The following GRM1 variants were observed in gnomAD, a reference collection of about 807,000 sequenced individuals.
GRM1 encodes metabotropic glutamate receptor 1.
In GRM1, 33 loss-of-function variants were observed where a neutral mutation model predicts 90.9. That is an observed-to-expected ratio of 0.36 (90% CI 0.28 to 0.49). The LOEUF (loss-of-function observed/expected upper bound fraction) is 0.49. GRM1 is among the 20% of genes least tolerant of loss of function. The pLI, the probability that GRM1 is intolerant of heterozygous loss-of-function variation, is 0.99. For missense variants in GRM1, 1,190 were observed against 1,534.3 expected (o/e 0.78, Z 3.75); for synonymous variants, 700 against 613.2 (o/e 1.14, Z -2.09).
chr6:146,159,213 C>A, intron 1 of GRM1, 135 bp from the exon 2 acceptor site: 2 of 976,252 alleles, frequency 2.0e-6, no homozygotes, highest in Non-Finnish European at 3.3e-6. Flanking sequence ...GATCTTCCGT[C>A]AGTCTCAGCC....
intron 3 of GRM1, among the ~76,000 whole-genome samples, chr6:146,305,985 C>A (rs1783565314): frequency 6.6e-6 from 1 of 152,032 alleles, no homozygotes; most frequent in Non-Finnish European, 1.5e-5. Flanking sequence ...TTTCTATTTT[C>A]AATAGTATTC....
Position 146,335,648 on chromosome 6 carries a change from A to C in GRM1, c.1187-16602A>C, listed in dbSNP as rs140631253. Among the ~76,000 whole-genome samples, 5 of 152,306 alleles carry C rather than the reference A, an allele frequency of 3.3e-5. No homozygotes were observed. The East Asian group carries it at 9.7e-4, about 29-fold the overall frequency. ...CATCATTTTTAATCTTTAAAGTTCAAGACACTTTCCCAGGGCCCCCAAAAT... is the reference window on the plus strand; with the variant it reads ...CATCATTTTTAATCTTTAAAGTTCACGACACTTTCCCAGGGCCCCCAAAAT... On this transcript the variant is annotated intron_variant, in intron 3 of 7. Transcript: ENST00000282753.
At chr6:146,202,770 A>G (rs532601082) in intron 2 of GRM1, among the ~76,000 whole-genome samples, 2 of 152,330 alleles carry the variant, frequency 1.3e-5, no homozygotes, top group South Asian at 2.1e-4. Flanking sequence ...ATTCAGTACC[A>G]TGGAGAAGTG....
chr6:146,304,624 G>A lies in GRM1; in HGVS notation c.964G>A (p.Asp322Asn). 6.2e-7 allele frequency: 1 copy of A among 1,612,470 alleles called. No individual in the cohort carries two copies. The highest frequency in any genetic ancestry group is 8.5e-7 in the Non-Finnish European group (1 of 1,178,646). The change falls in exon 3 of 8, where the codon GAC becomes AAC. Residue 322 changes from aspartate to asparagine, a missense_variant. By Grantham distance (23) the Asp-to-Asn change is conservative. This residue lies in a region of GRM1 where 414 missense variants were observed against 598.4 expected (regional missense o/e 0.69). Transcript: ENST00000282753. ...TGCATTTTTTAGTGATGGATGGGCAGACAGAGATGAAGTCATTGAAGGTTA... is the reference window on the plus strand; with the variant it reads ...TGCATTTTTTAGTGATGGATGGGCAAACAGAGATGAAGTCATTGAAGGTTA... ...FSLIGSDGWA[D>N]RDEVIEGYEV...
intron 3 of GRM1, among the ~76,000 whole-genome samples, chr6:146,347,738 T>C (rs1785234547): frequency 6.6e-6 from 1 of 152,204 alleles, no homozygotes; most frequent in Non-Finnish European, 1.5e-5. Flanking sequence ...TGTGTACATA[T>C]GTAAAAAGTT....
At chr6:146,255,739 T>C (rs149013767) in intron 2 of GRM1, among the ~76,000 whole-genome samples, 1 of 152,296 alleles carries the variant, frequency 6.6e-6, no homozygotes, top group Non-Finnish European at 1.5e-5. Context: ...TGAACACGAT[T>C]GCTCAACTTT....
intron 3 of GRM1, among the ~76,000 whole-genome samples, chr6:146,319,930 T>A (rs1235225699): frequency 6.6e-6 from 1 of 152,226 alleles, no homozygotes; most frequent in Non-Finnish European, 1.5e-5. Flanking sequence ...TTTGACTTCC[T>A]CTTCTCCTAT....
At chr6:146,207,219 T>C (rs1779525728) in intron 2 of GRM1, among the ~76,000 whole-genome samples, 1 of 152,192 alleles carries the variant, frequency 6.6e-6, no homozygotes, top group East Asian at 1.9e-4. Flanking sequence ...CTTTAAGCTC[T>C]TTGAGGAATT....
chr6:146,352,992 G>A (rs1360740036), intron 4 of GRM1, among the ~76,000 whole-genome samples: 3 of 152,186 alleles, frequency 2.0e-5, no homozygotes, highest in Admixed American at 6.5e-5. Context: ...ACCTATGTTT[G>A]TGCTAACATA....
At chr6:146,065,497 C>T (rs746084931) in intron 1 of GRM1, among the ~76,000 whole-genome samples, 2 of 152,158 alleles carry the variant, frequency 1.3e-5, no homozygotes, top group Non-Finnish European at 2.9e-5. Context: ...GGGTAATTGA[C>T]TGACAAGTAC....
chr6:146,107,461 GGCTTC>G (rs1775355223), intron 1 of GRM1, among the ~76,000 whole-genome samples: 1 of 151,962 alleles, frequency 6.6e-6, no homozygotes, highest in Admixed American at 6.6e-5. Flanking sequence ...ATCCCTCAGA[GGCTTC>G]CTGCAGGCAA....
intron 4 of GRM1, among the ~76,000 whole-genome samples, chr6:146,354,933 T>C (rs1020953022): frequency 3.3e-5 from 5 of 151,762 alleles, no homozygotes. Flanking sequence ...TTTGGGACTT[T>C]TTAAAAAAAT....
chr6:146,304,509 T>A (rs1783506332), intron 2 of GRM1, 102 bp from the exon 3 acceptor site: 2 of 857,114 alleles, frequency 2.3e-6, no homozygotes, highest in East Asian at 2.6e-5. Flanking sequence ...CTTAAAATAG[T>A]CTGTAGCCTT....
At chr6:146,236,654 T>C (rs1780656322) in intron 2 of GRM1, among the ~76,000 whole-genome samples, 2 of 148,764 alleles carry the variant, frequency 1.3e-5, no homozygotes, top group Admixed American at 1.5e-4. Context: ...AGGGAATTTT[T>C]GTTGTTGTTG....
intron 2 of GRM1, among the ~76,000 whole-genome samples, chr6:146,209,982 T>G (rs905381957): frequency 1.4e-4 from 22 of 152,166 alleles, no homozygotes; most frequent in African/African-American, 4.8e-4. Flanking sequence ...CATTTCTACT[T>G]TGCACATGGG....
At chr6:146,354,284 C>T (rs978802908) in intron 4 of GRM1, among the ~76,000 whole-genome samples, 6 of 152,340 alleles carry the variant, frequency 3.9e-5, no homozygotes, top group Middle Eastern at 3.4e-3. Context: ...AGGTTCAGAA[C>T]ATTGACTACC....
intron 2 of GRM1, among the ~76,000 whole-genome samples, chr6:146,282,760 G>A (rs1782619599): frequency 6.6e-6 from 1 of 152,046 alleles, no homozygotes; most frequent in African/African-American, 2.4e-5. Flanking sequence ...ATAAAAAAAG[G>A]ATGTAAAATG....
chr6:146,180,533 G>A (rs1442453822), intron 2 of GRM1, among the ~76,000 whole-genome samples: 2 of 152,042 alleles, frequency 1.3e-5, no homozygotes, highest in Non-Finnish European at 2.9e-5. Flanking sequence ...AATATATATT[G>A]TGTGGAGTGA....
chr6:146,244,874 G>C (rs1781001239), intron 2 of GRM1, among the ~76,000 whole-genome samples: 1 of 152,174 alleles, frequency 6.6e-6, no homozygotes, highest in South Asian at 2.1e-4. Flanking sequence ...TCTGTACTGT[G>C]GCCATCAGCA....
Sources: allele counts gnomAD v4.1 joint callset (sites outside exome capture counted in the v4.1 genomes callset), GRCh38; gene constraint gnomAD v4.1.1; regional missense constraint gnomAD v4.1.1; transcripts MANE v1.5; gene names NCBI Gene and HGNC (gene_info 2026-07-23, HGNC 2026-07-21).